DDX3X: variants seen among roughly 807,000 people sequenced by gnomAD.
DDX3X encodes the protein ATP-dependent RNA helicase DDX3X.
A neutral mutation model predicts 52.7 loss-of-function variants in DDX3X; 4 were observed. The observed-to-expected ratio is 0.08, with a 90% CI of 0.04 to 0.17. DDX3X has a LOEUF of 0.17. Ranked by LOEUF, DDX3X falls within the 10% of genes least tolerant of loss-of-function variation. The pLI is 1.00. For missense variants in DDX3X, 222 were observed against 548.6 expected (o/e 0.40, Z 5.95); for synonymous variants, 192 against 178.1 (o/e 1.08, Z -0.62).
intron 5 of DDX3X, among the ~76,000 whole-genome samples, chrX:41,363,747 C>T (rs768636390): frequency 3.4e-4 from 38 of 111,370 alleles, no homozygotes; most frequent in Non-Finnish European, 5.8e-4. Flanking sequence ...CGCACCATTG[C>T]ACTCCAGCCT....
At chrX:41,351,290 A>G (rs1222361364), downstream of DDX3X, 2 of 112,115 alleles carry the variant, frequency 1.8e-5, no homozygotes, top group Non-Finnish European at 3.8e-5. Flanking sequence ...GGTGACATAA[A>G]TTTAGTATGT....
chrX:41,343,166 A>G lies in DDX3X; in HGVS notation c.544-50A>G, dbSNP rs769179688. ...TGGTTGTTTCCATTATTAGTATAAAACAGAAATAGCTCTAGATAGCATTCC... is the reference window on the plus strand; with the variant it reads ...TGGTTGTTTCCATTATTAGTATAAAGCAGAAATAGCTCTAGATAGCATTCC... On this transcript the variant is annotated intron_variant, in intron 6 of 16. Coordinates refer to ENST00000644876, the MANE Select transcript of DDX3X (RefSeq NM_001356.5). 5.1e-6 allele frequency: 6 copies of G among 1,169,792 alleles called. No homozygotes were observed. The African/African-American group carries it at 9.1e-5, about 18-fold the overall frequency.
chrX:41,334,359 G>A, intron 1 of DDX3X, 62 bp downstream of exon 1: 3 of 1,180,346 alleles, frequency 2.5e-6, no homozygotes, highest in African/African-American at 3.5e-5. Flanking sequence ...ACCTAACCTG[G>A]CTAATGGCGC....
intron 5 of DDX3X, among the ~76,000 whole-genome samples, chrX:41,358,844 C>T (rs1010261751): frequency 9.0e-6 from 1 of 111,586 alleles, no homozygotes; most frequent in African/African-American, 3.3e-5. Context: ...CTGCAACCTC[C>T]GCCTCCCGGG....
At chrX:41,347,276 ATCT>A (rs767942502) in intron 15 of DDX3X, 33 bp from the exon 16 acceptor site, 9 of 1,179,332 alleles carry the variant, frequency 7.6e-6, no homozygotes, top group Non-Finnish European at 1.0e-5. Flanking sequence ...GTGGAATTTC[ATCT>A]TCATGTGAAC....
intron 3 of DDX3X, chrX:41,339,292 A>G (rs1390927337): frequency 4.9e-6 from 1 of 202,305 alleles, no homozygotes; most frequent in Non-Finnish European, 9.3e-6. Flanking sequence ...TCCTATGTCA[A>G]ACTGTTCTGA....
chrX:41,336,488 A>G (rs942319541), intron 1 of DDX3X: 7 of 111,979 alleles, frequency 6.3e-5, no homozygotes, highest in African/African-American at 1.3e-4. Flanking sequence ...AAAACAGGTA[A>G]CTACTTCAGG....
At chrX:41,334,575 GCT>G (rs1300257641) in intron 1 of DDX3X, 1 of 1,084,734 alleles carries the variant, frequency 9.2e-7, no homozygotes. Context: ...AAGTGCGCGC[GCT>G]CTCGCGGGGA....
At chrX:41,341,416 G>A (rs1239355042) in intron 3 of DDX3X, 68 bp from the exon 4 acceptor site, 4 of 951,211 alleles carry the variant, frequency 4.2e-6, no homozygotes, top group Non-Finnish European at 5.8e-6. Context: ...CAGAAAGATT[G>A]ATAATACCTT....
intron 10 of DDX3X, 68 bp from the exon 11 acceptor site, chrX:41,345,112 A>G: frequency 9.6e-7 from 1 of 1,046,763 alleles, no homozygotes; most frequent in African/African-American, 1.8e-5. Context: ...ACTAACAGCC[A>G]TACTAAAACC....
chrX:41,341,063 G>A (rs993431862), intron 3 of DDX3X: 3 of 192,764 alleles, frequency 1.6e-5, no homozygotes, highest in Admixed American at 7.6e-5. Context: ...TTGGCTCACT[G>A]CAACCTCAGC....
chrX:41,345,115 C>CT, intron 10 of DDX3X, 65 bp from the exon 11 acceptor site: 1 of 1,094,760 alleles, frequency 9.1e-7, no homozygotes, highest in Admixed American at 2.3e-5. Flanking sequence ...AACAGCCATA[C>CT]TAAAACCATG....
chrX:41,359,814 T>A (rs5918148), intron 5 of DDX3X, among the ~76,000 whole-genome samples: 2 of 103,581 alleles, frequency 1.9e-5, no homozygotes, highest in African/African-American at 3.5e-5. Flanking sequence ...CAAAAAAAAA[T>A]AAAAAATAAA....
At chrX:41,358,323 G>A (rs888131664) in intron 5 of DDX3X, among the ~76,000 whole-genome samples, 7 of 109,358 alleles carry the variant, frequency 6.4e-5, no homozygotes, top group Admixed American at 2.0e-4. Flanking sequence ...TGGTCTGCCC[G>A]CCTCGGCCTC....
chrX:41,341,741 A>G, intron 4 of DDX3X, 125 bp downstream of exon 4: 4 of 637,346 alleles, frequency 6.3e-6, no homozygotes, highest in Non-Finnish European at 7.0e-6. Flanking sequence ...TAGCCGTAAG[A>G]GGCTTTTACT....
chrX:41,353,297 CAAAAA>C (rs61067509), downstream of DDX3X, among the ~76,000 whole-genome samples: 7 of 46,036 alleles, frequency 1.5e-4, no homozygotes, highest in South Asian at 1.1e-3. Context: ...ACTAAAAATA[CAAAAA>C]AAAAAAAAAA....
chrX:41,346,935 A>T lies in DDX3X; in HGVS notation c.1692A>T (p.Lys564Asn). 3 of 1,209,601 alleles carry T rather than the reference A, an allele frequency of 2.5e-6. No homozygotes were observed. The highest frequency in any genetic ancestry group is 3.4e-6 in the Non-Finnish European group (3 of 893,769). Reference sequence around the variant, plus strand: ...TGTTGGATCTTCTTGTTGAAGCTAAACAAGAAGTGCCGTCTTGGTTAGAAA... The same window carrying T: ...TGTTGGATCTTCTTGTTGAAGCTAATCAAGAAGTGCCGTCTTGGTTAGAAA... ...KDLLDLLVEA[K>N]QEVPSWLENM... The change falls in exon 15 of 17, where the codon AAA becomes AAT. Residue 564 changes from lysine to asparagine, a missense_variant. Transcript: ENST00000644876.
At chrX:41,354,605 T>C (rs2064001265), downstream of DDX3X, among the ~76,000 whole-genome samples, 1 of 109,886 alleles carries the variant, frequency 9.1e-6, no homozygotes, top group Admixed American at 9.8e-5. Context: ...ATTACATGCA[T>C]GAGCCACAGT....
At chrX:41,363,665 C>A (rs1030986187) in intron 5 of DDX3X, among the ~76,000 whole-genome samples, 1 of 110,377 alleles carries the variant, frequency 9.1e-6, no homozygotes, top group Non-Finnish European at 1.9e-5. Context: ...TGCCTGTAAT[C>A]CCAGCTACTC....
Sources: gnomAD v4.1 joint callset for allele counts (sites outside exome capture counted in the v4.1 genomes callset) on GRCh38, gnomAD v4.1.1 for gene constraint, MANE v1.5 for transcripts, NCBI Gene and HGNC (gene_info 2026-07-23, HGNC 2026-07-21) for gene names.